ARMH3: variants seen among roughly 807,000 people sequenced by gnomAD.
ARMH3 encodes the protein armadillo like helical domain containing 3.
Under a neutral mutation model 99.1 loss-of-function variants are expected in ARMH3, and 60 were observed. That is an observed-to-expected ratio of 0.61 (90% CI 0.49 to 0.75). The LOEUF (loss-of-function observed/expected upper bound fraction) is 0.75. Among genes scored for constraint, ARMH3 ranks in the 30% least tolerant of loss-of-function variants. ARMH3 has a pLI of 0.00. For synonymous variants in ARMH3, 285 were observed against 292.8 expected, an observed-to-expected ratio of 0.97 and a Z score of 0.27; for missense variants, 679 against 843.1, an observed-to-expected ratio of 0.81 and a Z score of 2.41.
chr10:101,983,701 C>A (rs1846331664), intron 19 of ARMH3, among the ~76,000 whole-genome samples: 1 of 152,322 alleles, frequency 6.6e-6, no homozygotes, highest in Non-Finnish European at 1.5e-5. Flanking sequence ...GGTTGGCACA[C>A]CCCAACTCCA....
intron 18 of ARMH3, 118 bp downstream of exon 18, chr10:101,991,851 A>C: frequency 1.9e-6 from 2 of 1,074,626 alleles, no homozygotes; most frequent in Non-Finnish European, 2.8e-6. Context: ...CCAGGGAAAA[A>C]ACACAACTAA....
chr10:101,946,212 A>C (rs1844526110), intron 22 of ARMH3, among the ~76,000 whole-genome samples: 1 of 152,140 alleles, frequency 6.6e-6, no homozygotes, highest in African/African-American at 2.4e-5. Context: ...CTGAGATGGC[A>C]CATATGTTAA....
rs182815252 is a variant in ARMH3, at chr10:101,945,064, A to C, written c.1706-5126T>G. Among the ~76,000 whole-genome samples, 97 of 152,302 alleles carry C rather than the reference A, an allele frequency of 6.4e-4. 5 individuals carry two copies. In the East Asian group the frequency reaches 0.017, roughly 27 times the overall value. ...ATTACAGCTAAAAACTCTAGACAAAACATGAAAAGTAATTATCTGAGGGCT... is the reference window on the plus strand; with the variant it reads ...ATTACAGCTAAAAACTCTAGACAAACCATGAAAAGTAATTATCTGAGGGCT... On this transcript the variant is annotated intron_variant, in intron 22 of 25. Transcript: ENST00000370033.
In ARMH3 at chr10:101,956,713, A is replaced by G; in HGVS notation, c.1589T>C (p.Leu530Pro). 6.2e-7 allele frequency: 1 copy of G among 1,613,114 alleles called. No individual in the cohort carries two copies. Among genetic ancestry groups the G allele is most frequent in the Non-Finnish European group, 8.5e-7 (1 of 1,179,266 alleles). The change falls in exon 22 of 26, where the codon CTA becomes CCA. Residue 530 changes from leucine (L) to proline (P), a missense_variant. Around this residue, in one of 3 missense-constraint regions of ARMH3, gnomAD observed 389 missense variants for 456.5 expected, o/e 0.85. Coordinates refer to ENST00000370033, the MANE Select transcript of ARMH3 (RefSeq NM_024541.3). The part of the protein sequence containing the change: ...IFTLALMIVN[L>P]FNMFITYGDT... ...GCCATATGTGATAAACATATTAAAT[A>G]GGTTCACAATCTAAAAAAGAAGGAA...
At chr10:101,904,015 G>A (rs528450997) in intron 23 of ARMH3, among the ~76,000 whole-genome samples, 5 of 152,286 alleles carry the variant, frequency 3.3e-5, no homozygotes, top group East Asian at 1.9e-4. Context: ...CAGCTGTGCC[G>A]TGCCCGCCCT....
chr10:101,855,724 T>A (rs1364008881), intron 24 of ARMH3, among the ~76,000 whole-genome samples: 1 of 146,706 alleles, frequency 6.8e-6, no homozygotes, highest in Non-Finnish European at 1.5e-5. Flanking sequence ...TTATATATAT[T>A]TATATAAAAT....
At chr10:102,051,157 C>CAA (rs774209681) in intron 1 of ARMH3, among the ~76,000 whole-genome samples, 3 of 57,036 alleles carry the variant, frequency 5.3e-5, no homozygotes, top group African/African-American at 6.9e-5. Context: ...GACTCTGTCT[C>CAA]AAAAAAAAAA....
rs945327345 is a variant in ARMH3 at position 101,892,048 on chromosome 10, G to A, written c.1782-2558C>T. Among the ~76,000 whole-genome samples, 8 of 152,026 alleles carry A rather than the reference G, an allele frequency of 5.3e-5. No individual in the cohort carries two copies. The East Asian group carries it at 1.5e-3, about 29-fold the overall frequency. On this transcript the variant is annotated intron_variant, in intron 23 of 25. Transcript: ENST00000370033. ...GATCACTTAAGCCTGGGAGACAGAG[G>A]TTTCAGTGAGCCAAGATTGTGCCAC...
chr10:102,037,837 C>A (rs902637014), intron 2 of ARMH3, among the ~76,000 whole-genome samples: 1 of 152,072 alleles, frequency 6.6e-6, no homozygotes, highest in African/African-American at 2.4e-5. Flanking sequence ...AATCCATGCA[C>A]CTCAGCCTCC....
chr10:101,930,384 G>A (rs535167276), intron 23 of ARMH3, among the ~76,000 whole-genome samples: 14 of 151,942 alleles, frequency 9.2e-5, no homozygotes, highest in African/African-American at 2.9e-4. Flanking sequence ...ATACAAGAAA[G>A]AAAACTTATT....
At position 101,951,879 on chromosome 10, in the gene ARMH3, A is replaced by G. The variant is rs577750463; in HGVS notation, c.1705+4718T>C. ...CGAGACTCCGTCTCAAAAAAAAAAA[A>G]AAGAAGAAGAAGAAAGGAAGGAAGG... On this transcript the variant is annotated intron_variant, in intron 22 of 25. Coordinates refer to ENST00000370033, the MANE Select transcript of ARMH3 (RefSeq NM_024541.3). Among the ~76,000 whole-genome samples the G allele has an allele frequency of 1.5e-3, 226 of 151,094 alleles. 8 individuals carry two copies. In the South Asian group the frequency reaches 0.046, roughly 31 times the overall value.
intron 19 of ARMH3, among the ~76,000 whole-genome samples, chr10:101,985,989 G>A (rs1204337879): frequency 6.6e-6 from 1 of 151,910 alleles, no homozygotes; most frequent in Non-Finnish European, 1.5e-5. Context: ...CTGCACTCCA[G>A]CCTGGGCAAC....
chr10:101,959,713 C>T (rs1845193708), intron 20 of ARMH3, among the ~76,000 whole-genome samples: 1 of 152,166 alleles, frequency 6.6e-6, no homozygotes, highest in Non-Finnish European at 1.5e-5. Context: ...GCACGGGCAA[C>T]CTGTGTCCCA....
chr10:101,970,375 A>G (rs1845712967), intron 20 of ARMH3, among the ~76,000 whole-genome samples: 1 of 152,256 alleles, frequency 6.6e-6, no homozygotes, highest in Admixed American at 6.5e-5. Context: ...CAGAAACATT[A>G]ACAACATCCT....
At chr10:101,922,531 T>C (rs1209040088) in intron 23 of ARMH3, among the ~76,000 whole-genome samples, 1 of 152,208 alleles carries the variant, frequency 6.6e-6, no homozygotes, top group Non-Finnish European at 1.5e-5. Context: ...GGATTACAAG[T>C]GTAATACAGC....
intron 15 of ARMH3, among the ~76,000 whole-genome samples, chr10:102,000,478 G>A (rs1233739641): frequency 6.6e-6 from 1 of 151,744 alleles, no homozygotes; most frequent in African/African-American, 2.4e-5. Context: ...AAGTTCTGAG[G>A]CCAGGTGCGG....
chr10:101,985,074 T>TACAC (rs766381815), intron 19 of ARMH3, among the ~76,000 whole-genome samples: 1,240 of 65,828 alleles, frequency 0.019, 8 homozygotes, highest in African/African-American at 0.024. Flanking sequence ...TCTAAAAATA[T>TACAC]ATATACACAC....
At chr10:101,985,076 T>TAC (rs796894243) in intron 19 of ARMH3, among the ~76,000 whole-genome samples, 17,960 of 128,626 alleles carry the variant, frequency 0.14, 1,309 homozygotes, top group East Asian at 0.32. Flanking sequence ...TAAAAATATA[T>TAC]ATACACACAC....
intron 24 of ARMH3, among the ~76,000 whole-genome samples, chr10:101,865,074 G>C (rs1175233554): frequency 6.6e-6 from 1 of 151,900 alleles, no homozygotes; most frequent in African/African-American, 2.4e-5. Context: ...AAATTAGCCA[G>C]GCATGGTGGT....
Sources: allele counts gnomAD v4.1 joint callset (sites outside exome capture counted in the v4.1 genomes callset), GRCh38; gene constraint gnomAD v4.1.1; regional missense constraint gnomAD v4.1.1; transcripts MANE v1.5; gene names NCBI Gene and HGNC (gene_info 2026-07-23, HGNC 2026-07-21).